Variants in HDAC8 observed in about 807,000 individuals in gnomAD.
The protein encoded by HDAC8 is histone deacetylase-like 1.
In HDAC8, 1 loss-of-function variant was observed where a neutral mutation model predicts 32.2. The ratio of observed to expected loss-of-function variants is 0.03; its 90% CI spans 0.01 to 0.15. The LOEUF (loss-of-function observed/expected upper bound fraction) is 0.15. HDAC8 is among the 10% of genes least tolerant of loss of function. The probability of loss-of-function intolerance (pLI) is 1.00; values close to 1 mark genes in which losing one functional copy is unlikely to be tolerated. For missense variants in HDAC8, 117 were observed against 300.0 expected (o/e 0.39, Z 4.51); for synonymous variants, 108 against 113.9 (o/e 0.95, Z 0.33).
intron 4 of HDAC8, among the ~76,000 whole-genome samples, chrX:72,518,210 C>T (rs2049868876): frequency 9.0e-6 from 1 of 111,439 alleles, no homozygotes; most frequent in African/African-American, 3.3e-5. Flanking sequence ...AATTCATCAT[C>T]ATAATCTCGT....
At chrX:72,347,363 C>T (rs1555947336) in intron 10 of HDAC8, among the ~76,000 whole-genome samples, 1 of 111,746 alleles carries the variant, frequency 8.9e-6, no homozygotes, top group Non-Finnish European at 1.9e-5. Flanking sequence ...TCCTCCTCCT[C>T]CTTACTTCCT....
intron 9 of HDAC8, among the ~76,000 whole-genome samples, chrX:72,363,431 T>C (rs1236758857): frequency 9.0e-6 from 1 of 111,571 alleles, no homozygotes; most frequent in Non-Finnish European, 1.9e-5. Flanking sequence ...TTAATAAGAA[T>C]TGATCCTTAC....
chrX:72,416,766 A>C (rs1372529000), intron 9 of HDAC8, among the ~76,000 whole-genome samples: 1 of 108,705 alleles, frequency 9.2e-6, no homozygotes, highest in African/African-American at 3.3e-5. Context: ...GTATTTTAAA[A>C]ATTTTCCTTG....
chrX:72,550,915 C>A (rs1399092165), intron 4 of HDAC8, among the ~76,000 whole-genome samples: 1 of 111,578 alleles, frequency 9.0e-6, no homozygotes, highest in East Asian at 2.8e-4. Flanking sequence ...AGTCCCAGCT[C>A]AAAGAACCCA....
intron 6 of HDAC8, among the ~76,000 whole-genome samples, chrX:72,490,328 C>T (rs1402622787): frequency 9.1e-6 from 1 of 109,456 alleles, no homozygotes; most frequent in African/African-American, 3.3e-5. Context: ...GCACTATTCA[C>T]AATAGCAAAG....
intron 7 of HDAC8, chrX:72,467,177 T>TACAC (rs10687994): frequency 0.2 from 19,251 of 96,192 alleles, 1,670 homozygotes; most frequent in Non-Finnish European, 0.24. Flanking sequence ...TGCATAGAGC[T>TACAC]ACACACACAC....
intron 4 of HDAC8, among the ~76,000 whole-genome samples, chrX:72,552,826 CAT>C (rs3070314): frequency 0.23 from 24,014 of 104,767 alleles, 5,226 homozygotes; most frequent in East Asian, 0.67. Context: ...CGTATATATA[CAT>C]ATATATATAT....
At chrX:72,502,240 C>A (rs2049242690) in intron 4 of HDAC8, among the ~76,000 whole-genome samples, 1 of 112,060 alleles carries the variant, frequency 8.9e-6, no homozygotes, top group Admixed American at 9.4e-5. Flanking sequence ...AAAAGTAGAA[C>A]TACCATTTGA....
At chrX:72,534,966 T>C (rs1357010579) in intron 4 of HDAC8, among the ~76,000 whole-genome samples, 6 of 112,185 alleles carry the variant, frequency 5.3e-5, no homozygotes, top group Non-Finnish European at 1.1e-4. Context: ...TTGGAGCTTC[T>C]GTAAATTTCC....
chrX:72,398,691 G>A (rs782401872), intron 9 of HDAC8, among the ~76,000 whole-genome samples: 65 of 109,716 alleles, frequency 5.9e-4, no homozygotes, highest in Non-Finnish European at 5.5e-4. Context: ...CTGAATGTGA[G>A]TTATATGAGT....
chrX:72,337,299 AG>A (rs1338195158), intron 10 of HDAC8, among the ~76,000 whole-genome samples: 2 of 112,188 alleles, frequency 1.8e-5, no homozygotes, highest in Non-Finnish European at 3.8e-5. Flanking sequence ...GTGGCTATTG[AG>A]CACTTGAAAT....
chrX:72,493,471 T>C (rs1462158029), intron 5 of HDAC8, among the ~76,000 whole-genome samples: 2 of 111,265 alleles, frequency 1.8e-5, no homozygotes, highest in Admixed American at 1.9e-4. Flanking sequence ...GCAATCTGCA[T>C]TTTAAAACAA....
At chrX:72,505,805 A>G (rs1296356689) in intron 4 of HDAC8, among the ~76,000 whole-genome samples, 2 of 111,110 alleles carry the variant, frequency 1.8e-5, no homozygotes, top group Non-Finnish European at 3.8e-5. Context: ...TAGATAATTG[A>G]CTTCCTTTTC....
chrX:72,384,546 CA>C (rs782035907), intron 9 of HDAC8, among the ~76,000 whole-genome samples: 2 of 111,457 alleles, frequency 1.8e-5, no homozygotes, highest in South Asian at 7.6e-4. Flanking sequence ...AGCCAGACAC[CA>C]GGGCAAACAA....
At chrX:72,430,821 T>C (rs1555977183) in intron 9 of HDAC8, among the ~76,000 whole-genome samples, 2 of 112,312 alleles carry the variant, frequency 1.8e-5, no homozygotes, top group African/African-American at 6.5e-5. Flanking sequence ...TTTCTGTGAC[T>C]CAGGTGTCAT....
At chrX:72,485,457 T>C (rs2048639336) in intron 7 of HDAC8, among the ~76,000 whole-genome samples, 1 of 111,512 alleles carries the variant, frequency 9.0e-6, no homozygotes, top group Non-Finnish European at 1.9e-5. Context: ...GAAGGGGGTA[T>C]GTTCAAGCTT....
rs1198227111 is a variant in HDAC8 at position 72,552,298 on chromosome X, C to CA, written c.437+15590dup. Among the ~76,000 whole-genome samples the CA allele has an allele frequency of 8.0e-4, 77 of 96,819 alleles. 1 individual carries two copies. Among genetic ancestry groups the CA allele is most frequent in the Admixed American group, 2.7e-3 (24 of 8,820 alleles). The allele number at this position is 96,819 out of a possible 115,157, so 84.1% of individuals were successfully genotyped here. A position where few individuals can be genotyped will look rare whatever the true frequency, so the allele number is the denominator to read the frequency against. ...GCAACATAAGGAGACCCCATCTCTA[C>CA]AAAAAAAAAAAATTTAAATTTAGCC... is the stretch of plus-strand genomic sequence containing the variant. On this transcript the variant is annotated intron_variant, in intron 4 of 10. Coordinates refer to ENST00000373573, the MANE Select transcript of HDAC8 (RefSeq NM_018486.3).
chrX:72,526,565 T>C (rs2050158360), intron 4 of HDAC8, among the ~76,000 whole-genome samples: 1 of 111,406 alleles, frequency 9.0e-6, no homozygotes, highest in Non-Finnish European at 1.9e-5. Context: ...GTATAGCACA[T>C]ACTAGGCCCT....
intron 4 of HDAC8, among the ~76,000 whole-genome samples, chrX:72,506,263 T>C (rs894768433): frequency 5.3e-5 from 6 of 112,545 alleles, no homozygotes; most frequent in Non-Finnish European, 1.1e-4. Context: ...TTAGTGTTGC[T>C]ATAACAGAAT....
Sources: gnomAD v4.1 joint callset for allele counts (sites outside exome capture counted in the v4.1 genomes callset) on GRCh38, gnomAD v4.1.1 for gene constraint, MANE v1.5 for transcripts, NCBI Gene and HGNC (gene_info 2026-07-23, HGNC 2026-07-21) for gene names.